The following TDRD9 variants were observed in gnomAD, a reference collection of about 807,000 sequenced individuals.
TDRD9 encodes the protein tudor domain containing 9, also known as ATP-dependent RNA helicase TDRD9.
Under a neutral mutation model 172.6 loss-of-function variants are expected in TDRD9, and 124 were observed. The ratio of observed to expected loss-of-function variants is 0.72; its 90% CI spans 0.62 to 0.83. The LOEUF (loss-of-function observed/expected upper bound fraction) is 0.83. Among genes scored for constraint, TDRD9 ranks in the 40% least tolerant of loss-of-function variants. The probability of loss-of-function intolerance (pLI) is 0.00; values close to 1 mark genes in which losing one functional copy is unlikely to be tolerated. For synonymous variants in TDRD9, 619 were observed against 617.1 expected, an observed-to-expected ratio of 1.00 and a Z score of -0.05; for missense variants, 1,479 against 1,714.1, an observed-to-expected ratio of 0.86 and a Z score of 2.42.
At chr14:104,004,205 G>A in intron 13 of TDRD9, 33 bp from the exon 14 acceptor site, 2 of 1,131,504 alleles carry the variant, frequency 1.8e-6, no homozygotes, top group Non-Finnish European at 2.6e-6. Flanking sequence ...AGTAATTAAT[G>A]CCAAACACTG....
intron 1 of TDRD9, chr14:103,940,522 A>G (rs1300223181): frequency 1.1e-5 from 3 of 276,710 alleles, no homozygotes; most frequent in Non-Finnish European, 2.0e-5. Flanking sequence ...GTCAGACTTC[A>G]TACTAAAGTT....
intron 7 of TDRD9, among the ~76,000 whole-genome samples, chr14:103,976,664 GT>G (rs1472974954): frequency 1.3e-5 from 2 of 152,122 alleles, no homozygotes; most frequent in Non-Finnish European, 2.9e-5. Context: ...TCAGCATATT[GT>G]TTTTCTTTCC....
At chr14:104,046,699 G>A (rs1031088018) in intron 34 of TDRD9, among the ~76,000 whole-genome samples, 4 of 151,700 alleles carry the variant, frequency 2.6e-5, no homozygotes, top group Non-Finnish European at 5.9e-5. Flanking sequence ...AGGCTGGAGT[G>A]CAGTGGCGTG....
chr14:103,948,178 A>ATT (rs201409204), intron 1 of TDRD9, among the ~76,000 whole-genome samples: 3 of 145,696 alleles, frequency 2.1e-5, no homozygotes, highest in East Asian at 2.0e-4. Context: ...CGTGCCTGCT[A>ATT]TTTTTTTTTT....
chr14:103,952,214 ATATATATTTTTTTTTTTTTT>A (rs2031945225), intron 1 of TDRD9, among the ~76,000 whole-genome samples: 7 of 57,378 alleles, frequency 1.2e-4, no homozygotes, highest in South Asian at 6.2e-4. Flanking sequence ...ATATATATAT[ATATATATTTTTTTTTTTTTT>A]TTTTTTTTTT....
chr14:104,050,257 A>G (rs2140943426), intron 35 of TDRD9, among the ~76,000 whole-genome samples: 1 of 152,216 alleles, frequency 6.6e-6, no homozygotes, highest in East Asian at 1.9e-4. Context: ...TTAGGGCACA[A>G]ATCCCATCCT....
chr14:103,970,305 C>G (rs2032963515), intron 5 of TDRD9, among the ~76,000 whole-genome samples: 1 of 152,160 alleles, frequency 6.6e-6, no homozygotes, highest in Non-Finnish European at 1.5e-5. Context: ...ACTCTGCCGT[C>G]TCTCAGGGGG....
At chr14:103,940,828 G>A in intron 1 of TDRD9, 1 of 1,535,030 alleles carries the variant, frequency 6.5e-7, no homozygotes, top group Non-Finnish European at 8.7e-7. Flanking sequence ...GTGATAATAT[G>A]GTAGGTTCCA....
intron 12 of TDRD9, among the ~76,000 whole-genome samples, 161 bp downstream of exon 12, chr14:103,995,968 C>G (rs1407338228): frequency 6.6e-6 from 1 of 152,210 alleles, no homozygotes; most frequent in Non-Finnish European, 1.5e-5. Context: ...CCCATACTCT[C>G]AGTTCACCAC....
intron 32 of TDRD9, among the ~76,000 whole-genome samples, chr14:104,037,559 A>G (rs561794737): frequency 6.6e-6 from 1 of 152,338 alleles, no homozygotes; most frequent in Non-Finnish European, 1.5e-5. Flanking sequence ...TGAGCAGAAA[A>G]CTTAATTTTA....
chr14:103,951,843 T>C (rs1180977027), intron 1 of TDRD9, among the ~76,000 whole-genome samples: 2 of 151,938 alleles, frequency 1.3e-5, no homozygotes, highest in Non-Finnish European at 2.9e-5. Flanking sequence ...CTCGGCTCAC[T>C]GCAAGCTCCG....
Position 104,006,863 on chromosome 14 carries a change from TA to T in TDRD9, c.2007+21del, listed in dbSNP as rs1366250362. On this transcript the variant is annotated intron_variant, in intron 18 of 35. Transcript: ENST00000409874. Reference sequence around the variant, plus strand: ...CATTTAAAGTAAGTTTTCTGTTGTGTAAACCATGAAAGCAGCTACCACAGAT... The same window carrying T: ...CATTTAAAGTAAGTTTTCTGTTGTGTAACCATGAAAGCAGCTACCACAGAT... 1 of 1,603,218 alleles carries T rather than the reference TA, an allele frequency of 6.2e-7. No homozygotes were observed. The highest frequency in any genetic ancestry group is 1.3e-5 in the African/African-American group (1 of 74,800).
intron 32 of TDRD9, among the ~76,000 whole-genome samples, chr14:104,039,530 A>G (rs1175612798): frequency 6.6e-6 from 1 of 152,208 alleles, no homozygotes; most frequent in Non-Finnish European, 1.5e-5. Flanking sequence ...CCTGTGTGCT[A>G]TATGGAGAAA....
intron 20 of TDRD9, among the ~76,000 whole-genome samples, chr14:104,009,219 G>T (rs942249759): frequency 1.3e-5 from 2 of 152,092 alleles, no homozygotes; most frequent in African/African-American, 4.8e-5. Flanking sequence ...CATAGAAAAG[G>T]TGCGGTAAAA....
chr14:104,035,040 C>A lies in TDRD9; in HGVS notation c.3700C>A (p.Pro1234Thr). 1 of 1,551,554 alleles carries A rather than the reference C, an allele frequency of 6.4e-7. No individual in the cohort carries two copies. The highest frequency in any genetic ancestry group is 2.0e-5 in the Admixed American group (1 of 50,992). The change falls in exon 32 of 36, where the codon CCG becomes ACG. Residue 1234 changes from proline to threonine, a missense_variant. This residue lies in a region of TDRD9 where 1,413 missense variants were observed against 1,649.1 expected (regional missense o/e 0.86). Transcript: ENST00000409874. Reference protein sequence around the residue: ...LPALLSMLFAPVIELRIDQNG... With the variant: ...LPALLSMLFATVIELRIDQNG... ...GGCTCTCCTCAGCATGTTATTCGCA[C>A]CGGTGATAGAGTTAAGGTACGGGCA...
At chr14:103,935,104 G>T (rs984922431) in intron 1 of TDRD9, among the ~76,000 whole-genome samples, 1 of 152,176 alleles carries the variant, frequency 6.6e-6, no homozygotes, top group Non-Finnish European at 1.5e-5. Flanking sequence ...ACCCTTTCCT[G>T]GGTCTCCAGC....
chr14:103,988,660 G>T (rs2033761169), intron 8 of TDRD9, among the ~76,000 whole-genome samples: 1 of 147,544 alleles, frequency 6.8e-6, no homozygotes. Context: ...GCTTTCTTTT[G>T]CATTTAACAC....
intron 24 of TDRD9, among the ~76,000 whole-genome samples, chr14:104,022,795 G>T (rs2035002946): frequency 6.6e-6 from 1 of 151,890 alleles, no homozygotes. Context: ...GAGTGGAGCT[G>T]CTGTTGAATC....
chr14:103,941,010 G>T (rs1034907914), intron 1 of TDRD9: 110 of 1,535,234 alleles, frequency 7.2e-5, no homozygotes, highest in Non-Finnish European at 8.8e-5. Flanking sequence ...CACTCCCTCT[G>T]TCAGAGCTGC....
Sources: gnomAD v4.1 joint callset for allele counts (sites outside exome capture counted in the v4.1 genomes callset) on GRCh38, gnomAD v4.1.1 for gene constraint, gnomAD v4.1.1 regional missense constraint, MANE v1.5 for transcripts, NCBI Gene and HGNC (gene_info 2026-07-23, HGNC 2026-07-21) for gene names.